Variants in CENPF observed in about 807,000 individuals in gnomAD.
CENPF encodes the protein AH antigen.
Under a neutral mutation model 307.3 loss-of-function variants are expected in CENPF, and 214 were observed. That is an observed-to-expected ratio of 0.70 (90% CI 0.62 to 0.78). The LOEUF is 0.78. Ranked by LOEUF, CENPF falls within the 30% of genes least tolerant of loss-of-function variation. The pLI is 0.00. For missense variants in CENPF, 3,401 were observed against 3,483.9 expected (o/e 0.98, Z 0.60); for synonymous variants, 1,259 against 1,270.6 (o/e 0.99, Z 0.19).
At chr1:214,652,695 G>T in intron 15 of CENPF, 133 bp from the exon 16 acceptor site, 1 of 644,778 alleles carries the variant, frequency 1.6e-6, no homozygotes, top group African/African-American at 1.9e-5. Context: ...TGCCCACCTT[G>T]GCCTCCCAAA....
At chr1:214,657,587 A>G (rs890171780) in intron 18 of CENPF, among the ~76,000 whole-genome samples, 178 bp downstream of exon 18, 35 of 152,224 alleles carry the variant, frequency 2.3e-4, no homozygotes, top group African/African-American at 7.2e-4. Flanking sequence ...CTAGGATCTA[A>G]TTACTTGTGT....
chr1:214,625,372 G>A (rs959747416), intron 7 of CENPF, among the ~76,000 whole-genome samples: 4 of 151,830 alleles, frequency 2.6e-5, no homozygotes, highest in East Asian at 1.9e-4. Flanking sequence ...AGGCACCCAC[G>A]ACCATGCCCG....
At chr1:214,650,190 G>A (rs372419128) in intron 14 of CENPF, among the ~76,000 whole-genome samples, 25 of 152,258 alleles carry the variant, frequency 1.6e-4, no homozygotes, top group African/African-American at 5.8e-4. Context: ...GCTATGCAAC[G>A]ACCAGGCAGT....
At chr1:214,620,626 A>T in intron 5 of CENPF, 29 bp from the exon 6 acceptor site, 1 of 1,571,172 alleles carries the variant, frequency 6.4e-7, no homozygotes, top group Non-Finnish European at 8.6e-7. Context: ...AGATCTTTAA[A>T]GGCCTCTAAA....
intron 9 of CENPF, among the ~76,000 whole-genome samples, 158 bp downstream of exon 9, chr1:214,630,820 C>G (rs1657788293): frequency 6.6e-6 from 1 of 152,200 alleles, no homozygotes; most frequent in Non-Finnish European, 1.5e-5. Flanking sequence ...CATTCTGGCT[C>G]TAGGTTTCCT....
rs1321669061 is a variant in CENPF, at chr1:214,657,078, T to G, written c.8631T>G (p.Ala2877=). ...LLISHEKLEK[A]KEMLETQVAH... ...TAAGCCATGAAAAGTTAGAGAAAGC[T>G]AAAGAGATGTTAGAGACACAAGTGG... Residue 2877 remains alanine (A), a synonymous_variant, in exon 18 of 20, where the codon GCT becomes GCG. Coordinates refer to ENST00000366955, the MANE Select transcript of CENPF (RefSeq NM_016343.4). The G allele has an allele frequency of 6.2e-7, 1 of 1,614,180 alleles. No homozygotes were observed. Among genetic ancestry groups the G allele is most frequent in the Non-Finnish European group, 8.5e-7 (1 of 1,180,030 alleles).
intron 7 of CENPF, among the ~76,000 whole-genome samples, chr1:214,623,587 C>T (rs1027842215): frequency 1.3e-5 from 2 of 152,108 alleles, no homozygotes; most frequent in Non-Finnish European, 2.9e-5. Flanking sequence ...TTGGTCCCAG[C>T]CTACCTCTCT....
At position 214,658,971 on chromosome 1, in the gene CENPF, C is replaced by T. The variant is rs772584360; in HGVS notation, c.9084C>T (p.Gly3028=). 6.2e-7 allele frequency: 1 copy of T among 1,614,098 alleles called. No homozygotes were observed. The highest frequency in any genetic ancestry group is 1.1e-5 in the South Asian group (1 of 91,076). Residue 3028 remains glycine (G), a synonymous_variant, in exon 19 of 20, where the codon GGC becomes GGT. Transcript: ENST00000366955. The stretch of plus-strand genomic sequence containing the variant: ...TAGCGCTATCCCCACTGAGTCTCGG[C>T]AAAGAAAATCTTGCAGAGTCCTCCA... ...QKLALSPLSL[G]KENLAESSKP...
At chr1:214,651,940 G>T in intron 15 of CENPF, 54 bp downstream of exon 15, 1 of 1,441,136 alleles carries the variant, frequency 6.9e-7, no homozygotes, top group East Asian at 2.3e-5. Flanking sequence ...TTTGATCATG[G>T]TAAGGCTTTT....
Position 214,663,893 on chromosome 1 carries a change from T to A in CENPF, c.*99T>A. The A allele has an allele frequency of 1.1e-6, 1 of 892,040 alleles. No individual in the cohort carries two copies. The highest frequency in any genetic ancestry group is 1.7e-6 in the Non-Finnish European group (1 of 588,610). 55.3% of individuals were successfully genotyped at this position (892,040 alleles called of 1,614,324 possible). ...CTTTAGTCAGGGCATGCTTTATTAG[T>A]GAGGAGAAAACAATTCCTTAGAAGT... On this transcript the variant is annotated 3_prime_UTR_variant, in exon 20 of 20. Coordinates refer to ENST00000366955, the MANE Select transcript of CENPF (RefSeq NM_016343.4).
In CENPF at chr1:214,657,036, G is replaced by C. The variant is rs764676242; in HGVS notation, c.8589G>C (p.Lys2863Asn). 6.2e-7 allele frequency: 1 copy of C among 1,613,978 alleles called. No homozygotes were observed. The highest frequency in any genetic ancestry group is 1.3e-5 in the African/African-American group (1 of 74,906). The change falls in exon 18 of 20, where the codon AAG (lysine) becomes AAC (asparagine). Residue 2863 changes from lysine (K) to asparagine (N), a missense_variant. Coordinates refer to ENST00000366955, the MANE Select transcript of CENPF (RefSeq NM_016343.4). ...KTKEADEYLD[K>N]YCSLLISHEK... ...AGGAGGCAGATGAATACTTGGATAA[G>C]TACTGTTCCTTGCTTATAAGCCATG...
intron 7 of CENPF, among the ~76,000 whole-genome samples, chr1:214,626,271 A>C (rs886771297): frequency 1.3e-5 from 2 of 152,096 alleles, no homozygotes; most frequent in Non-Finnish European, 2.9e-5. Context: ...GTTTTTCTTC[A>C]GGTCCTCAGC....
intron 14 of CENPF, among the ~76,000 whole-genome samples, chr1:214,649,530 G>A (rs1243879536): frequency 2.6e-5 from 4 of 152,132 alleles, no homozygotes; most frequent in Non-Finnish European, 5.9e-5. Flanking sequence ...TCATGATTGC[G>A]ACCCTGAATA....
intron 10 of CENPF, among the ~76,000 whole-genome samples, chr1:214,634,634 C>T (rs1032956838): frequency 6.6e-6 from 1 of 152,198 alleles, no homozygotes; most frequent in African/African-American, 2.4e-5. Context: ...TTATTGCAGT[C>T]CAACACCTGC....
rs996341864 is a variant in CENPF at position 214,639,970 on chromosome 1, A to G, written c.1632A>G (p.Ile544Met). ...ETMLRDLQEK[I>M]NQQENSLTLE... ...TGTTAAGAGATCTTCAAGAAAAAAT[A>G]AATCAGCAAGAAAACTCCTTGACTT... Residue 544 changes from isoleucine (I) to methionine (M), a missense_variant, in exon 12 of 20, where the codon ATA becomes ATG. Coordinates refer to ENST00000366955, the MANE Select transcript of CENPF (RefSeq NM_016343.4). 6.4e-7 allele frequency: 1 copy of G among 1,567,150 alleles called. No homozygotes were observed. Among genetic ancestry groups the G allele is most frequent in the African/African-American group, 1.4e-5 (1 of 71,978 alleles).
At chr1:214,658,384 C>G (rs1571730289) in intron 18 of CENPF, among the ~76,000 whole-genome samples, 1 of 152,238 alleles carries the variant, frequency 6.6e-6, no homozygotes, top group East Asian at 1.9e-4. Context: ...TCTCCTCCCA[C>G]CTACATGAGA....
At chr1:214,628,201 A>T (rs1051796101) in intron 7 of CENPF, among the ~76,000 whole-genome samples, 1 of 152,214 alleles carries the variant, frequency 6.6e-6, no homozygotes, top group Non-Finnish European at 1.5e-5. Flanking sequence ...CACTGATAAT[A>T]GAATGTTGTT....
chr1:214,630,480 G>T, intron 8 of CENPF, 54 bp from the exon 9 acceptor site: 2 of 1,606,390 alleles, frequency 1.2e-6, no homozygotes, highest in Non-Finnish European at 1.7e-6. Flanking sequence ...CCTCACCCTG[G>T]AGTCTCCCTA....
chr1:214,633,172 T>C (rs2102550972), intron 10 of CENPF, among the ~76,000 whole-genome samples: 1 of 152,368 alleles, frequency 6.6e-6, no homozygotes, highest in South Asian at 2.1e-4. Flanking sequence ...CTGACCTTAA[T>C]GTTCAGCCTG....
Sources: gnomAD v4.1 joint callset for allele counts (sites outside exome capture counted in the v4.1 genomes callset) on GRCh38, gnomAD v4.1.1 for gene constraint, MANE v1.5 for transcripts, NCBI Gene and HGNC (gene_info 2026-07-23, HGNC 2026-07-21) for gene names.